GABRD: variants seen among roughly 807,000 people sequenced by gnomAD.
The protein encoded by GABRD is gamma-aminobutyric acid type A receptor subunit delta, also known as gamma-aminobutyric acid receptor subunit delta.
A neutral mutation model predicts 47.3 loss-of-function variants in GABRD; 25 were observed. That is an observed-to-expected ratio of 0.53 (90% CI 0.39 to 0.74). The LOEUF is 0.74. Ranked by LOEUF, GABRD falls within the 30% of genes least tolerant of loss-of-function variation. The pLI is 0.00. For missense variants in GABRD, 497 were observed against 643.4 expected (o/e 0.77, Z 2.46); for synonymous variants, 314 against 278.8 (o/e 1.13, Z -1.26).
In GABRD at chr1:2,025,509, C is replaced by A. The variant is rs1350381804; in HGVS notation, c.250-9C>A. ...AGGCTGACCCCCGGCCCCTGTGCCACCTCCACAGGAGTACACCATGACGGT... is the reference window on the plus strand; with the variant it reads ...AGGCTGACCCCCGGCCCCTGTGCCAACTCCACAGGAGTACACCATGACGGT... On this transcript the variant is annotated splice_polypyrimidine_tract_variant and intron_variant, in intron 3 of 8. Coordinates refer to ENST00000378585, the MANE Select transcript of GABRD (RefSeq NM_000815.5). 1.2e-6 allele frequency: 2 copies of A among 1,612,076 alleles called. No individual in the cohort carries two copies. The highest frequency in any genetic ancestry group is 1.1e-5 in the South Asian group (1 of 91,074).
At position 2,024,942 on chromosome 1, in the gene GABRD, A is replaced by T; in HGVS notation, c.69A>T (p.Arg23Ser). 1.2e-6 allele frequency: 2 copies of T among 1,606,038 alleles called. 1 individual carries two copies. Among genetic ancestry groups the T allele is most frequent in the South Asian group, 2.2e-5 (2 of 90,954 alleles). Residue 23 changes from arginine (R) to serine (S), a missense_variant and splice_region_variant, in exon 2 of 9, where the codon AGA (arginine) becomes AGT (serine). Physicochemically the swap from Arg to Ser is moderately radical, Grantham distance 110. This residue lies in a region of GABRD where 91 missense variants were observed against 85.5 expected (regional missense o/e 1.06). Coordinates refer to ENST00000378585, the MANE Select transcript of GABRD (RefSeq NM_000815.5). ...LLCAQQLRGT[R>S]AMNDIGDYVG... ...CTGACCGGTGGCTTTGCATCCCCAG[A>T]GCGATGAATGACATCGGCGACTACG...
rs1029484348 is a variant in GABRD, at chr1:2,029,973, C to T, written c.1060-10C>T. 1 of 1,612,210 alleles carries T rather than the reference C, an allele frequency of 6.2e-7. No individual in the cohort carries two copies. The highest frequency in any genetic ancestry group is 8.5e-7 in the Non-Finnish European group (1 of 1,179,616). ...GCTCAGCCCTGTCTCCCCCACCGGC[C>T]TTCGTGCAGATGGACGTGAGGAACG... On this transcript the variant is annotated splice_polypyrimidine_tract_variant and intron_variant, in intron 8 of 8. Coordinates refer to ENST00000378585, the MANE Select transcript of GABRD (RefSeq NM_000815.5).
chr1:2,024,900 A>G, intron 1 of GABRD, 42 bp from the exon 2 acceptor site: 1 of 1,449,372 alleles, frequency 6.9e-7, no homozygotes, highest in Non-Finnish European at 9.7e-7. Context: ...GTGGAATTAA[A>G]TTAAGTCCTG....
intron 1 of GABRD, among the ~76,000 whole-genome samples, chr1:2,021,036 G>A (rs1658757473): frequency 6.6e-6 from 1 of 152,220 alleles, no homozygotes; most frequent in Non-Finnish European, 1.5e-5. Context: ...TTCTGTGCCT[G>A]TTTCCTTGGG....
chr1:2,019,633 G>C lies in GABRD; in HGVS notation c.68+142G>C, dbSNP rs1046219475. 7.9e-6 allele frequency: 3 copies of C among 380,728 alleles called. No homozygotes were observed. The Admixed American group carries it at 1.8e-4, about 22-fold the overall frequency. The allele number at this position is 380,728 out of a possible 1,614,324, so 23.6% of individuals were successfully genotyped here. A position where few individuals can be genotyped will look rare whatever the true frequency, so the allele number is the denominator to read the frequency against. On this transcript the variant is annotated intron_variant, in intron 1 of 8. Transcript: ENST00000378585. ...GAGAGCCCCGCGTCCTCCCTCCCCG[G>C]GGTCTTGCCCCGCGGGCCCCTCGTT...
Position 2,025,750 on chromosome 1 carries a change from G to A in GABRD, c.470+12G>A. Reference sequence around the variant, plus strand: ...CTGTACAGCATCCGGTGAGCGGGCTGCCCACCCGGACTCCGGGGGAGAGCC... The same window carrying A: ...CTGTACAGCATCCGGTGAGCGGGCTACCCACCCGGACTCCGGGGGAGAGCC... On this transcript the variant is annotated intron_variant, in intron 4 of 8. Coordinates refer to ENST00000378585, the MANE Select transcript of GABRD (RefSeq NM_000815.5). The A allele has an allele frequency of 6.2e-7, 1 of 1,608,260 alleles. No individual in the cohort carries two copies. Among genetic ancestry groups the A allele is most frequent in the Non-Finnish European group, 8.5e-7 (1 of 1,176,468 alleles).
rs1214046618 is a variant in GABRD, at chr1:2,019,484, G to A, written c.61G>A (p.Gly21Ser). 9 of 1,110,518 alleles carry A rather than the reference G, an allele frequency of 8.1e-6. No homozygotes were observed. In the African/African-American group the frequency reaches 8.4e-5, roughly 10 times the overall value. The allele number at this position is 1,110,518 out of a possible 1,614,324, so 68.8% of individuals were successfully genotyped here. The change falls in exon 1 of 9, where the codon GGC becomes AGC. Residue 21 changes from glycine to serine, a missense_variant. Gly to Ser is a moderately conservative substitution (Grantham distance 56). Around this residue, in one of 3 missense-constraint regions of GABRD, gnomAD observed 91 missense variants for 85.5 expected, o/e 1.06. Transcript: ENST00000378585. The stretch of plus-strand genomic sequence containing the variant: ...GCTCCTCTGCGCGCAGCAGCTCCGC[G>A]GCACCAGGTGAGCGGGCGGGGTCCG... ...LLLLCAQQLRGTRAMNDIGDY... is the reference protein window; with the variant it reads ...LLLLCAQQLRSTRAMNDIGDY...
At chr1:2,020,839 C>T (rs531369718) in intron 1 of GABRD, among the ~76,000 whole-genome samples, 15 of 152,344 alleles carry the variant, frequency 9.8e-5, no homozygotes, top group African/African-American at 3.1e-4. Context: ...AGTCCCGTCC[C>T]GCATGGACGT....
rs544531983 is a variant in GABRD at position 2,028,305 on chromosome 1, C to T, written c.691+13C>T. 38 of 1,603,194 alleles carry T rather than the reference C, an allele frequency of 2.4e-5. No individual in the cohort carries two copies. The highest frequency in any genetic ancestry group is 6.7e-5 in the Admixed American group (4 of 59,654). Reference sequence around the variant, plus strand: ...AACTTCAAGTCCGGTAACATATGCCCGCCGCCCCTTCCGCATGTGCCCGCC... The same window carrying T: ...AACTTCAAGTCCGGTAACATATGCCTGCCGCCCCTTCCGCATGTGCCCGCC... On this transcript the variant is annotated intron_variant, in intron 6 of 8. Transcript: ENST00000378585. The surrounding 1 kb of genome is among the most constrained non-coding windows in gnomAD (Gnocchi z 6.4).
At position 2,029,534 on chromosome 1, in the gene GABRD, C is replaced by A. The variant is rs568302498; in HGVS notation, c.848-17C>A. On this transcript the variant is annotated splice_polypyrimidine_tract_variant and intron_variant, in intron 7 of 8. Coordinates refer to ENST00000378585, the MANE Select transcript of GABRD (RefSeq NM_000815.5). ...TGAGGGCAGGGCTACGACAATGGCA[C>A]CACCTGTGCCCGGCAGGCATCACCA... 3 of 1,611,226 alleles carry A rather than the reference C, an allele frequency of 1.9e-6. No homozygotes were observed. In the African/African-American group the frequency reaches 4.0e-5, roughly 21 times the overall value.
chr1:2,022,918 A>G (rs962277566), intron 1 of GABRD, among the ~76,000 whole-genome samples: 1 of 152,192 alleles, frequency 6.6e-6, no homozygotes, highest in African/African-American at 2.4e-5. Flanking sequence ...TCAAAGTCCA[A>G]ATCTTTGAAA....
In GABRD at chr1:2,025,358, C is replaced by T; in HGVS notation, c.206C>T (p.Ala69Val). 7 of 1,613,134 alleles carry T rather than the reference C, an allele frequency of 4.3e-6. No homozygotes were observed. Among genetic ancestry groups the T allele is most frequent in the Non-Finnish European group, 5.9e-6 (7 of 1,179,982 alleles). The change falls in exon 3 of 9, where the codon GCC (alanine) becomes GTC (valine). Residue 69 changes from alanine to valine, a missense_variant. Ala to Val is a moderately conservative substitution (Grantham distance 64, BLOSUM62 0). Coordinates refer to ENST00000378585, the MANE Select transcript of GABRD (RefSeq NM_000815.5). Reference protein sequence around the residue: ...IGGPPVNVALALEVASIDHIS... With the variant: ...IGGPPVNVALVLEVASIDHIS... ...GGCCCCCCCGTGAATGTGGCCCTTG[C>T]CCTGGAGGTGGCCAGCATCGACCAC...
Position 2,021,050 on chromosome 1 carries a change from G to A in GABRD, c.68+1559G>A, listed in dbSNP as rs537734830. On this transcript the variant is annotated intron_variant, in intron 1 of 8. Transcript: ENST00000378585. Reference sequence around the variant, plus strand: ...ATTCTGTGCCTGTTTCCTTGGGCAGGAAAGCTGGAAGGCCACGGCCCAGCC... The same window carrying A: ...ATTCTGTGCCTGTTTCCTTGGGCAGAAAAGCTGGAAGGCCACGGCCCAGCC... 4.3e-3 allele frequency among the ~76,000 whole-genome samples: 651 copies of A among 152,340 alleles called. 3 individuals carry two copies. Among genetic ancestry groups the A allele is most frequent in the Non-Finnish European group, 7.0e-3 (479 of 68,034 alleles).
chr1:2,021,586 C>CTG, intron 1 of GABRD, among the ~76,000 whole-genome samples: 1 of 152,278 alleles, frequency 6.6e-6, no homozygotes, highest in East Asian at 1.9e-4. Flanking sequence ...TGCGTGGCGG[C>CTG]CGTGGGTCGG....
In GABRD at chr1:2,025,732, G is replaced by GC. The variant is rs1391571811; in HGVS notation, c.465dup (p.Ile156HisfsTer273). On this transcript the variant is annotated frameshift_variant, in exon 4 of 9. Transcript: ENST00000378585. LOFTEE classifies it high-confidence loss of function. ...CAGCCCGACGGCGTGATCCTGTACA[G>GC]CATCCGGTGAGCGGGCTGCCCACCC... The GC allele has an allele frequency of 6.2e-7, 1 of 1,611,510 alleles. No individual in the cohort carries two copies. Among genetic ancestry groups the GC allele is most frequent in the East Asian group, 2.2e-5 (1 of 44,864 alleles).
chr1:2,019,781 C>T lies in GABRD; in HGVS notation c.68+290C>T, dbSNP rs574588523. Among the ~76,000 whole-genome samples the T allele has an allele frequency of 4.4e-3, 663 of 152,236 alleles. 7 individuals carry two copies. The highest frequency in any genetic ancestry group is 0.015 in the African/African-American group (618 of 41,558). On this transcript the variant is annotated intron_variant, in intron 1 of 8. Coordinates refer to ENST00000378585, the MANE Select transcript of GABRD (RefSeq NM_000815.5). ...GCTGGGCGAGGGCGTCGGAGCCTCC[C>T]GGTTCCCCTGCTCCGCGGCGCGCGT...
chr1:2,026,098 A>T (rs1658917238), intron 4 of GABRD, among the ~76,000 whole-genome samples: 1 of 152,206 alleles, frequency 6.6e-6, no homozygotes, highest in Admixed American at 6.5e-5. Context: ...GTCTGGTCCA[A>T]AACATTTCAA....
intron 1 of GABRD, 113 bp downstream of exon 1, chr1:2,019,604 G>T: frequency 1.8e-6 from 1 of 546,672 alleles, no homozygotes; most frequent in Non-Finnish European, 2.4e-6. Context: ...CGGACCCCAA[G>T]TCTGAGAGCC....
rs1046709660 is a variant in GABRD at position 2,029,726 on chromosome 1, G to A, written c.1023G>A (p.Gln341=). The change falls in exon 8 of 9, where the codon CAG becomes CAA. Residue 341 remains glutamine (Q), a synonymous_variant. Transcript: ENST00000378585. ...AHFNADYRKK[Q]KAKVKVSRPR... is the part of the protein sequence containing the mutation. Reference sequence around the variant, plus strand: ...TCAACGCCGACTACAGGAAGAAGCAGAAGGCCAAGGTCAAGGTCTCCAGGC... The same window carrying A: ...TCAACGCCGACTACAGGAAGAAGCAAAAGGCCAAGGTCAAGGTCTCCAGGC... 1.2e-6 allele frequency: 2 copies of A among 1,613,230 alleles called. No homozygotes were observed. The highest frequency in any genetic ancestry group is 1.7e-6 in the Non-Finnish European group (2 of 1,180,030).
Sources: gnomAD v4.1 joint callset for allele counts (sites outside exome capture counted in the v4.1 genomes callset) on GRCh38, gnomAD v4.1.1 for gene constraint, gnomAD v4.1.1 regional missense constraint, Gnocchi (gnomAD v3.1) non-coding constraint, MANE v1.5 for transcripts, NCBI Gene and HGNC (gene_info 2026-07-23, HGNC 2026-07-21) for gene names.